The following ARHGAP28 variants were observed in gnomAD, a reference collection of about 807,000 sequenced individuals.
The protein encoded by ARHGAP28 is rho GTPase-activating protein 28.
A neutral mutation model predicts 90.7 loss-of-function variants in ARHGAP28; 56 were observed. That is an observed-to-expected ratio of 0.62 (90% CI 0.50 to 0.77). ARHGAP28 has a LOEUF of 0.77. Among genes scored for constraint, ARHGAP28 ranks in the 30% least tolerant of loss-of-function variants. ARHGAP28 has a pLI of 0.00. For missense variants in ARHGAP28, 869 were observed against 900.9 expected, an observed-to-expected ratio of 0.96 and a Z score of 0.45; for synonymous variants, 308 against 323.3, an observed-to-expected ratio of 0.95 and a Z score of 0.51.
Position 6,731,103 on chromosome 18 carries a change from C to A in ARHGAP28, c.122+1160C>A, listed in dbSNP as rs543809410. Among the ~76,000 whole-genome samples the A allele has an allele frequency of 1.7e-3, 262 of 151,692 alleles. 2 individuals carry two copies. The highest frequency in any genetic ancestry group is 6.0e-3 in the African/African-American group (250 of 41,470). On this transcript the variant is annotated intron_variant, in intron 1 of 17. Coordinates refer to ENST00000383472, the MANE Select transcript of ARHGAP28 (RefSeq NM_001366230.1). ...TCAAAAACAGCAGGTTGAGTGAAAT[C>A]TCATTTTTATATAAAGACAGTGGGA...
chr18:6,886,493 C>T (rs1369594752), intron 11 of ARHGAP28, among the ~76,000 whole-genome samples: 1 of 152,184 alleles, frequency 6.6e-6, no homozygotes, highest in Non-Finnish European at 1.5e-5. Context: ...CTACAGTCAT[C>T]ACCTTCCCTA....
chr18:6,736,765 A>C (rs1161929625), intron 1 of ARHGAP28, among the ~76,000 whole-genome samples: 3 of 139,664 alleles, frequency 2.1e-5, no homozygotes, highest in Admixed American at 6.8e-5. Flanking sequence ...AAAACAAAAA[A>C]CAGAAAGTTG....
At chr18:6,899,424 C>G (rs555104521) in intron 16 of ARHGAP28, among the ~76,000 whole-genome samples, 1 of 152,098 alleles carries the variant, frequency 6.6e-6, no homozygotes, top group Non-Finnish European at 1.5e-5. Flanking sequence ...TGACAACAGG[C>G]ACAGATGAAA....
rs776940836 is a variant in ARHGAP28, at chr18:6,837,333, T to C, written c.462T>C (p.His154=). The change falls in exon 3 of 18, where the codon CAT becomes CAC. Residue 154 remains histidine, a synonymous_variant. Coordinates refer to ENST00000383472, the MANE Select transcript of ARHGAP28 (RefSeq NM_001366230.1). ...CAGCTGCCGTGCAAAAGAGATACCATACCTATACCCAAACCATGAGGAAAA... is the reference window on the plus strand; with the variant it reads ...CAGCTGCCGTGCAAAAGAGATACCACACCTATACCCAAACCATGAGGAAAA... The part of the protein sequence containing the change: ...TQAAAVQKRY[H]TYTQTMRKKD... 1.1e-5 allele frequency: 18 copies of C among 1,613,852 alleles called. No individual in the cohort carries two copies. In the South Asian group the frequency reaches 1.9e-4, roughly 17 times the overall value.
chr18:6,796,955 G>GGGTCTA (rs1298786587), intron 1 of ARHGAP28, among the ~76,000 whole-genome samples: 1 of 152,200 alleles, frequency 6.6e-6, no homozygotes, highest in Non-Finnish European at 1.5e-5. Flanking sequence ...GTAGGTGAAG[G>GGGTCTA]GGTCTGTAAA....
intron 1 of ARHGAP28, among the ~76,000 whole-genome samples, chr18:6,820,374 AGAG>A (rs1295698536): frequency 4.6e-5 from 7 of 152,236 alleles, no homozygotes; most frequent in Non-Finnish European, 1.0e-4. Context: ...TGAAGCAGAG[AGAG>A]AGTTGGGGGA....
chr18:6,841,208 C>CCTCTCTCTCTCTCCTCTCTCTCTCTCT (rs2056822337), intron 3 of ARHGAP28, among the ~76,000 whole-genome samples: 2 of 43,136 alleles, frequency 4.6e-5, no homozygotes, highest in Non-Finnish European at 8.9e-5. Context: ...TCTCTCCTCT[C>CCTCTCTCTCTCTCCTCTCTCTCTCTCT]CTCTCTCTCT....
chr18:6,769,363 G>T (rs1254938871), intron 1 of ARHGAP28, among the ~76,000 whole-genome samples: 1 of 152,084 alleles, frequency 6.6e-6, no homozygotes, highest in Admixed American at 6.6e-5. Context: ...TCCTAACTGG[G>T]GCTCCATGTC....
intron 17 of ARHGAP28, 105 bp from the exon 18 acceptor site, chr18:6,911,955 A>C (rs756803848): frequency 8.1e-6 from 5 of 613,944 alleles, no homozygotes; most frequent in Non-Finnish European, 1.3e-5. Flanking sequence ...CAAGAAAACT[A>C]TATTAACCTT....
chr18:6,800,069 C>A, intron 1 of ARHGAP28, among the ~76,000 whole-genome samples: 1 of 151,924 alleles, frequency 6.6e-6, no homozygotes, highest in East Asian at 1.9e-4. Context: ...CAGACACTTC[C>A]CAAAAGAAGA....
chr18:6,745,404 G>A (rs1465996819), intron 1 of ARHGAP28, among the ~76,000 whole-genome samples: 1 of 151,892 alleles, frequency 6.6e-6, no homozygotes, highest in East Asian at 1.9e-4. Flanking sequence ...ATTATATAAT[G>A]GTCATGAATC....
chr18:6,773,439 T>A (rs1176263931), intron 1 of ARHGAP28, among the ~76,000 whole-genome samples: 3 of 152,210 alleles, frequency 2.0e-5, no homozygotes, highest in African/African-American at 7.2e-5. Context: ...GAGGGCCAAG[T>A]ATAGGGTCTT....
At chr18:6,762,748 G>A (rs1442293935) in intron 1 of ARHGAP28, among the ~76,000 whole-genome samples, 2 of 152,048 alleles carry the variant, frequency 1.3e-5, no homozygotes, top group African/African-American at 4.8e-5. Flanking sequence ...GGAGAAGACA[G>A]CCATCTATGA....
chr18:6,875,593 G>T (rs2143575265), intron 9 of ARHGAP28, among the ~76,000 whole-genome samples: 1 of 152,242 alleles, frequency 6.6e-6, no homozygotes, highest in East Asian at 1.9e-4. Context: ...CTGAGAATAG[G>T]AACTTACACA....
intron 1 of ARHGAP28, among the ~76,000 whole-genome samples, chr18:6,744,573 T>C (rs1002252180): frequency 2.0e-5 from 3 of 152,240 alleles, no homozygotes; most frequent in Non-Finnish European, 4.4e-5. Flanking sequence ...ACTGTACTTA[T>C]TTAATTGATC....
chr18:6,758,613 T>G (rs1480408856), intron 1 of ARHGAP28, among the ~76,000 whole-genome samples: 1 of 152,176 alleles, frequency 6.6e-6, no homozygotes, highest in Admixed American at 6.5e-5. Flanking sequence ...CGTGAGCCAC[T>G]TTGCCCAGCC....
intron 1 of ARHGAP28, among the ~76,000 whole-genome samples, chr18:6,792,960 A>G (rs1182440475): frequency 6.6e-6 from 1 of 152,234 alleles, no homozygotes; most frequent in Non-Finnish European, 1.5e-5. Flanking sequence ...CATTTGCCTC[A>G]TTCAAAGTGT....
At chr18:6,884,217 A>T (rs1803096078) in intron 11 of ARHGAP28, among the ~76,000 whole-genome samples, 1 of 152,076 alleles carries the variant, frequency 6.6e-6, no homozygotes, top group Admixed American at 6.5e-5. Flanking sequence ...TACTAAAAAT[A>T]CAAAAAATTG....
chr18:6,882,408 T>C, intron 11 of ARHGAP28, 109 bp downstream of exon 11: 1 of 1,054,904 alleles, frequency 9.5e-7, no homozygotes, highest in Non-Finnish European at 1.3e-6. Context: ...TGCTGTGTCC[T>C]GACAGTGCTT....
Sources: allele counts gnomAD v4.1 joint callset (sites outside exome capture counted in the v4.1 genomes callset), GRCh38; gene constraint gnomAD v4.1.1; transcripts MANE v1.5; gene names NCBI Gene and HGNC (gene_info 2026-07-23, HGNC 2026-07-21).